Variants in NKAIN3 observed in about 807,000 individuals in gnomAD.
NKAIN3 encodes the protein sodium/potassium transporting ATPase interacting 3.
In NKAIN3, 25 loss-of-function variants were observed where a neutral mutation model predicts 30.2. The ratio of observed to expected loss-of-function variants is 0.83; its 90% CI spans 0.60 to 1.16. The LOEUF (loss-of-function observed/expected upper bound fraction) is 1.16. NKAIN3 is among the 50% of genes most tolerant of loss of function. The probability of loss-of-function intolerance (pLI) is 0.00; values close to 1 mark genes in which losing one functional copy is unlikely to be tolerated. For missense variants in NKAIN3, 225 were observed against 254.1 expected (o/e 0.89, Z 0.78); for synonymous variants, 91 against 89.6 (o/e 1.02, Z -0.09).
intron 1 of NKAIN3, among the ~76,000 whole-genome samples, chr8:62,431,871 A>AT (rs1805011300): frequency 6.8e-6 from 1 of 146,980 alleles, no homozygotes; most frequent in African/African-American, 2.6e-5. Flanking sequence ...AAGGAAAAAA[A>AT]AAAAAAAAAG....
In NKAIN3 at chr8:62,661,537, T is replaced by A. The variant is rs947225794; in HGVS notation, c.273+71743T>A. Among the ~76,000 whole-genome samples the A allele has an allele frequency of 1.4e-4, 22 of 152,232 alleles. 1 individual carries two copies. Among genetic ancestry groups the A allele is most frequent in the African/African-American group, 5.3e-4 (22 of 41,454 alleles). On this transcript the variant is annotated intron_variant, in intron 3 of 6. Coordinates refer to ENST00000623646, the MANE Select transcript of NKAIN3 (RefSeq NM_001304533.3). ...TTAGCAGTCTTCCAGTTTATTTCAG[T>A]CCAGATCATCTCTACTGGGTAAGTA...
intron 4 of NKAIN3, among the ~76,000 whole-genome samples, chr8:62,910,961 CTGA>C (rs1367277137): frequency 6.6e-6 from 1 of 152,070 alleles, no homozygotes; most frequent in African/African-American, 2.4e-5. Flanking sequence ...CCAATAAATG[CTGA>C]TGGACTCCAG....
intron 1 of NKAIN3, among the ~76,000 whole-genome samples, chr8:62,492,876 C>T (rs1296367081): frequency 6.6e-6 from 1 of 152,146 alleles, no homozygotes; most frequent in East Asian, 1.9e-4. Flanking sequence ...TACACTCCCA[C>T]CAACAGTATG....
At chr8:62,554,947 G>A (rs1250675512) in intron 1 of NKAIN3, among the ~76,000 whole-genome samples, 1 of 150,040 alleles carries the variant, frequency 6.7e-6, no homozygotes, top group South Asian at 2.1e-4. Flanking sequence ...TTTCCTGTTT[G>A]GCTCTTTTCA....
chr8:62,358,239 CTT>C (rs34616447), intron 1 of NKAIN3, among the ~76,000 whole-genome samples: 3 of 121,908 alleles, frequency 2.5e-5, no homozygotes, highest in African/African-American at 3.0e-5. Flanking sequence ...GATCTTATAC[CTT>C]TTTTTTTTTT....
chr8:62,534,003 T>C (rs1038186191), intron 1 of NKAIN3, among the ~76,000 whole-genome samples: 8 of 152,282 alleles, frequency 5.3e-5, no homozygotes, highest in African/African-American at 1.9e-4. Flanking sequence ...TCCGGCTGAC[T>C]TCAGACGCAA....
At chr8:62,795,366 A>G (rs1817827888) in intron 4 of NKAIN3, among the ~76,000 whole-genome samples, 1 of 152,212 alleles carries the variant, frequency 6.6e-6, no homozygotes, top group Non-Finnish European at 1.5e-5. Flanking sequence ...TTTCCCCACC[A>G]TGTTCATGGG....
intron 3 of NKAIN3, among the ~76,000 whole-genome samples, chr8:62,593,971 C>G (rs1810738681): frequency 6.6e-6 from 1 of 152,000 alleles, no homozygotes; most frequent in Non-Finnish European, 1.5e-5. Flanking sequence ...GGAAAGCAAA[C>G]ATCCCTGGAG....
chr8:62,669,648 C>T (rs1486888479), intron 3 of NKAIN3, among the ~76,000 whole-genome samples: 1 of 152,128 alleles, frequency 6.6e-6, no homozygotes, highest in African/African-American at 2.4e-5. Context: ...ACCTAAGTGG[C>T]TTCACAATCT....
At position 62,756,169 on chromosome 8, in the gene NKAIN3, A is replaced by G. The variant is rs142241544; in HGVS notation, c.471+9040A>G. Among the ~76,000 whole-genome samples, 34 of 152,312 alleles carry G rather than the reference A, an allele frequency of 2.2e-4. No homozygotes were observed. In the East Asian group the frequency reaches 6.6e-3, roughly 29 times the overall value. On this transcript the variant is annotated intron_variant, in intron 4 of 6. Coordinates refer to ENST00000623646, the MANE Select transcript of NKAIN3 (RefSeq NM_001304533.3). ...TTCAGTCTACTCACAGATATGTGCA[A>G]CCATCACCATGGTCAATTTTAAGAC...
chr8:62,747,122 T>C lies in NKAIN3; in HGVS notation c.464T>C (p.Leu155Pro). Reference sequence around the variant, plus strand: ...GTCATCCACAGTGCTGTCCAAATACTACTCTCTGTAAGTGTCACTTTTGTG... The same window carrying C: ...GTCATCCACAGTGCTGTCCAAATACCACTCTCTGTAAGTGTCACTTTTGTG... ...LEVIHSAVQILLSLVGFVYAC... is the reference protein window; with the variant it reads ...LEVIHSAVQIPLSLVGFVYAC... The change falls in exon 4 of 7, where the codon CTA (leucine) becomes CCA (proline). Residue 155 changes from leucine (L) to proline (P), a missense_variant. Coordinates refer to ENST00000623646, the MANE Select transcript of NKAIN3 (RefSeq NM_001304533.3). 6.3e-7 allele frequency: 1 copy of C among 1,597,166 alleles called. No homozygotes were observed. The highest frequency in any genetic ancestry group is 8.6e-7 in the Non-Finnish European group (1 of 1,165,188).
chr8:62,805,140 T>G (rs373794018), intron 4 of NKAIN3, among the ~76,000 whole-genome samples: 12,163 of 151,470 alleles, frequency 0.08, 494 homozygotes, highest in Non-Finnish European at 0.085. Context: ...CACTGCTCAA[T>G]GAAATAAAAG....
intron 4 of NKAIN3, among the ~76,000 whole-genome samples, chr8:62,773,492 A>AT (rs1308994421): frequency 2.0e-5 from 3 of 151,918 alleles, no homozygotes; most frequent in African/African-American, 7.3e-5. Flanking sequence ...AGGTAGTGTT[A>AT]TTTTTCCTCA....
intron 3 of NKAIN3, among the ~76,000 whole-genome samples, chr8:62,726,668 T>C (rs892731756): frequency 3.3e-5 from 5 of 152,084 alleles, no homozygotes; most frequent in Non-Finnish European, 5.9e-5. Flanking sequence ...ATTTATTATA[T>C]TTATAATCCC....
In NKAIN3 at chr8:62,701,862, A is replaced by C. The variant is rs142021827; in HGVS notation, c.274-45070A>C. On this transcript the variant is annotated intron_variant, in intron 3 of 6. Transcript: ENST00000623646. ...CATTTGGAACTGACATTTCTGCTGC[A>C]ATTCCAAAGCGCGAACTCCGGGGGC... Among the ~76,000 whole-genome samples the C allele has an allele frequency of 5.3e-3, 804 of 152,246 alleles. 6 individuals are homozygous for C. The highest frequency in any genetic ancestry group is 0.019 in the African/African-American group (772 of 41,546).
intron 3 of NKAIN3, among the ~76,000 whole-genome samples, chr8:62,720,585 C>T (rs1002010906): frequency 4.6e-5 from 7 of 152,216 alleles, no homozygotes; most frequent in Non-Finnish European, 7.3e-5. Flanking sequence ...TGTGCCCAGG[C>T]AGTCAGTCTT....
intron 4 of NKAIN3, chr8:62,856,583 G>C (rs1820066020): frequency 1.0e-5 from 8 of 783,824 alleles, no homozygotes; most frequent in Non-Finnish European, 9.4e-6. Flanking sequence ...TGTCTTCATT[G>C]GTGAACAGCA....
At chr8:62,992,082 G>A (rs1382193524) in intron 5 of NKAIN3, among the ~76,000 whole-genome samples, 3 of 151,296 alleles carry the variant, frequency 2.0e-5, no homozygotes, top group Non-Finnish European at 4.4e-5. Context: ...GCAGTGGCAC[G>A]ACCTCAGCAC....
At chr8:62,646,850 TA>T (rs2130316816) in intron 3 of NKAIN3, among the ~76,000 whole-genome samples, 1 of 151,972 alleles carries the variant, frequency 6.6e-6, no homozygotes, top group South Asian at 2.1e-4. Context: ...AATCACAAAA[TA>T]AAAACTCCAA....
Sources: gnomAD v4.1 joint callset for allele counts (sites outside exome capture counted in the v4.1 genomes callset) on GRCh38, gnomAD v4.1.1 for gene constraint, MANE v1.5 for transcripts, NCBI Gene and HGNC (gene_info 2026-07-23, HGNC 2026-07-21) for gene names.